PANK1: variants seen among roughly 807,000 people sequenced by gnomAD.
PANK1 encodes pantothenate kinase 1, also known as pantothenic acid kinase 1.
In PANK1, 18 loss-of-function variants were observed where a neutral mutation model predicts 40.1. The ratio of observed to expected loss-of-function variants is 0.45; its 90% CI spans 0.31 to 0.67. The LOEUF (loss-of-function observed/expected upper bound fraction) is 0.67. Ranked by LOEUF, PANK1 falls within the 30% of genes least tolerant of loss-of-function variation. The pLI, the probability that PANK1 is intolerant of heterozygous loss-of-function variation, is 0.06. For missense variants in PANK1, 457 were observed against 599.6 expected (o/e 0.76, Z 2.48); for synonymous variants, 242 against 237.7 (o/e 1.02, Z -0.17).
At chr10:89,634,179 T>C (rs1343498141) in intron 1 of PANK1, among the ~76,000 whole-genome samples, 1 of 152,168 alleles carries the variant, frequency 6.6e-6, no homozygotes. Context: ...AGTGCTTACA[T>C]TTTGCTGGAA....
intron 6 of PANK1, 21 bp downstream of exon 6, chr10:89,588,631 G>A (rs1844275836): frequency 6.3e-7 from 1 of 1,581,778 alleles, no homozygotes. Flanking sequence ...ATGACAGTAA[G>A]TCTATGCAAG....
intron 2 of PANK1, among the ~76,000 whole-genome samples, chr10:89,610,841 T>G (rs1845130571): frequency 1.3e-5 from 2 of 152,240 alleles, no homozygotes; most frequent in African/African-American, 4.8e-5. Flanking sequence ...TTTGTTTATC[T>G]AGCTTCCCTT....
intron 1 of PANK1, among the ~76,000 whole-genome samples, chr10:89,628,924 C>A (rs991957171): frequency 6.6e-6 from 1 of 152,160 alleles, no homozygotes; most frequent in East Asian, 1.9e-4. Flanking sequence ...TGGTTTGAAT[C>A]TTCTTTTGTC....
intron 1 of PANK1, among the ~76,000 whole-genome samples, chr10:89,635,143 T>TAG (rs371552592): frequency 0.15 from 22,395 of 150,906 alleles, 1,810 homozygotes; most frequent in Non-Finnish European, 0.19. Context: ...TATATATATA[T>TAG]AGAGAGAGAG....
intron 1 of PANK1, among the ~76,000 whole-genome samples, chr10:89,632,771 T>A (rs1841689938): frequency 6.6e-6 from 1 of 152,162 alleles, no homozygotes; most frequent in Non-Finnish European, 1.5e-5. Context: ...ACATTTACAG[T>A]AGGAATTTAG....
intron 1 of PANK1, among the ~76,000 whole-genome samples, chr10:89,637,007 G>A (rs1240791285): frequency 1.3e-5 from 2 of 150,522 alleles, no homozygotes; most frequent in African/African-American, 4.9e-5. Context: ...GACTACAGGC[G>A]CCCGCCACCA....
intron 1 of PANK1, among the ~76,000 whole-genome samples, chr10:89,619,134 A>G (rs1845406844): frequency 6.6e-6 from 1 of 152,256 alleles, no homozygotes; most frequent in Non-Finnish European, 1.5e-5. Flanking sequence ...CTGTCTAAAA[A>G]TTTCTTAAAA....
In PANK1 at chr10:89,593,966, C is replaced by T; in HGVS notation, c.923G>A (p.Gly308Asp). The T allele has an allele frequency of 1.2e-6, 2 of 1,613,358 alleles. No individual in the cohort carries two copies. The highest frequency in any genetic ancestry group is 1.7e-6 in the Non-Finnish European group (2 of 1,179,380). ...ACAACCAGTCAGCAAGCAACATAGG[C>T]CTAGGAATGTTCCACCTCCAAGACT... ...GTSLGGGTFL[G>D]LCCLLTGCET... The change falls in exon 4 of 7, where the codon GGC (glycine) becomes GAC (aspartate). Residue 308 changes from glycine to aspartate, a missense_variant. Gly to Asp is a moderately conservative substitution (Grantham distance 94, BLOSUM62 -1). Coordinates refer to ENST00000307534, the MANE Select transcript of PANK1 (RefSeq NM_148977.3).
At chr10:89,590,853 A>G (rs1358435736) in intron 5 of PANK1, among the ~76,000 whole-genome samples, 1 of 152,170 alleles carries the variant, frequency 6.6e-6, no homozygotes, top group African/African-American at 2.4e-5. Context: ...GTAGATTGAT[A>G]TAATATCTGG....
chr10:89,596,300 A>G (rs1467257517), intron 3 of PANK1, among the ~76,000 whole-genome samples: 1 of 152,154 alleles, frequency 6.6e-6, no homozygotes, highest in African/African-American at 2.4e-5. Flanking sequence ...AAGGATTTGT[A>G]TCAATCGAGG....
Position 89,584,324 on chromosome 10 carries a change from C to T in PANK1, c.*82G>A, listed in dbSNP as rs1589751215. On this transcript the variant is annotated 3_prime_UTR_variant, in exon 7 of 7. Coordinates refer to ENST00000307534, the MANE Select transcript of PANK1 (RefSeq NM_148977.3). ...TCTGCCATAATGGCTTGGCTTCCGT[C>T]CCAAAGCGACTTTCACCTTCTCCAG... 1.1e-6 allele frequency: 1 copy of T among 872,050 alleles called. No homozygotes were observed. The highest frequency in any genetic ancestry group is 2.0e-6 in the Non-Finnish European group (1 of 512,152). 54.0% of individuals were successfully genotyped at this position (872,050 alleles called of 1,614,324 possible).
chr10:89,633,021 TTC>T (rs951520864), intron 1 of PANK1, among the ~76,000 whole-genome samples: 4 of 152,194 alleles, frequency 2.6e-5, no homozygotes, highest in Non-Finnish European at 5.9e-5. Context: ...GCTGGGACTT[TTC>T]TCTGAGCTTC....
At chr10:89,635,330 G>A (rs555036797) in intron 1 of PANK1, among the ~76,000 whole-genome samples, 10 of 152,248 alleles carry the variant, frequency 6.6e-5, no homozygotes, top group African/African-American at 2.2e-4. Context: ...ATATGGCAAG[G>A]ACCTTCCTGC....
At chr10:89,602,052 A>T (rs768364927) in intron 2 of PANK1, among the ~76,000 whole-genome samples, 67 of 152,334 alleles carry the variant, frequency 4.4e-4, no homozygotes, top group Non-Finnish European at 7.6e-4. Context: ...CTCTTGGATC[A>T]CCCCAAACTG....
Position 89,600,717 on chromosome 10 carries a change from A to G in PANK1, c.646-1212T>C, listed in dbSNP as rs952674978. Among the ~76,000 whole-genome samples, 6 of 152,130 alleles carry G rather than the reference A, an allele frequency of 3.9e-5. 1 individual carries two copies. Among genetic ancestry groups the G allele is most frequent in the Non-Finnish European group, 4.4e-5 (3 of 68,032 alleles). ...GTCTGGTAGCCATTTTGCCTTCTCA[A>G]AAGTTTAATTTATGATCCTCAAATA... On this transcript the variant is annotated intron_variant, in intron 2 of 6. Coordinates refer to ENST00000307534, the MANE Select transcript of PANK1 (RefSeq NM_148977.3).
At chr10:89,622,262 G>A (rs1353525990) in intron 1 of PANK1, among the ~76,000 whole-genome samples, 1 of 152,168 alleles carries the variant, frequency 6.6e-6, no homozygotes, top group Non-Finnish European at 1.5e-5. Flanking sequence ...GCAATCTGTT[G>A]AACATTACTC....
chr10:89,605,770 T>C (rs1484570086), intron 2 of PANK1, among the ~76,000 whole-genome samples: 2 of 152,230 alleles, frequency 1.3e-5, no homozygotes, highest in Non-Finnish European at 2.9e-5. Context: ...TCCAGAGGTT[T>C]CTAATTGATT....
chr10:89,596,808 T>A (rs746276373), intron 3 of PANK1, among the ~76,000 whole-genome samples: 1 of 152,144 alleles, frequency 6.6e-6, no homozygotes, highest in Non-Finnish European at 1.5e-5. Context: ...TTAAAACAGA[T>A]TCCAAAATAA....
At chr10:89,640,777 T>C (rs1841946999) in intron 1 of PANK1, among the ~76,000 whole-genome samples, 1 of 152,232 alleles carries the variant, frequency 6.6e-6, no homozygotes, top group Admixed American at 6.5e-5. Flanking sequence ...ACTTATTCTG[T>C]CTCCAAAACC....
Sources: allele counts gnomAD v4.1 joint callset (sites outside exome capture counted in the v4.1 genomes callset), GRCh38; gene constraint gnomAD v4.1.1; transcripts MANE v1.5; gene names NCBI Gene and HGNC (gene_info 2026-07-23, HGNC 2026-07-21).